Variants in ZNF480 observed in about 807,000 individuals in gnomAD.
ZNF480 encodes the protein zinc finger protein 480.
Under a neutral mutation model 14.4 loss-of-function variants are expected in ZNF480, and 15 were observed. The ratio of observed to expected loss-of-function variants is 1.04; its 90% CI spans 0.70 to 1.60. ZNF480 has a LOEUF of 1.60. Ranked by LOEUF, ZNF480 falls within the 40% of genes most tolerant of loss-of-function variation. The pLI is 0.00. For synonymous variants in ZNF480, 218 were observed against 215.5 expected, an observed-to-expected ratio of 1.01 and a Z score of -0.10; for missense variants, 593 against 629.7, an observed-to-expected ratio of 0.94 and a Z score of 0.62.
At chr19:52,303,636 ATCTAT>A (rs1233724481) in intron 2 of ZNF480, among the ~76,000 whole-genome samples, 1 of 152,132 alleles carries the variant, frequency 6.6e-6, no homozygotes, top group Non-Finnish European at 1.5e-5. Flanking sequence ...CCTTTTCTGG[ATCTAT>A]TCTATTTATT....
chr19:52,320,049 C>G (rs1983742030), intron 4 of ZNF480, among the ~76,000 whole-genome samples: 1 of 152,032 alleles, frequency 6.6e-6, no homozygotes, highest in Non-Finnish European at 1.5e-5. Flanking sequence ...AACTCCTGAC[C>G]TAGTGATCCT....
At chr19:52,302,489 T>C (rs1982742859) in intron 2 of ZNF480, among the ~76,000 whole-genome samples, 1 of 152,214 alleles carries the variant, frequency 6.6e-6, no homozygotes, top group Non-Finnish European at 1.5e-5. Context: ...TAGCTAGAGC[T>C]TGGCTAGTAC....
In ZNF480 at chr19:52,322,880, C is replaced by A; in HGVS notation, c.*22C>A. On this transcript the variant is annotated 3_prime_UTR_variant, in exon 5 of 5. Transcript: ENST00000595962. ...ATAGAAACTACAAATGCAACAAATG[C>A]GTCAAAGAATTTAGTGTGCACTCAA... 1 of 1,533,484 alleles carries A rather than the reference C, an allele frequency of 6.5e-7. No homozygotes were observed. Among genetic ancestry groups the A allele is most frequent in the Non-Finnish European group, 8.8e-7 (1 of 1,138,150 alleles). 95.0% of individuals were successfully genotyped at this position (1,533,484 alleles called of 1,614,324 possible).
rs549204424 is a variant in ZNF480 at position 52,321,873 on chromosome 19, A to G, written c.623A>G (p.His208Arg). 2 of 1,614,174 alleles carry G rather than the reference A, an allele frequency of 1.2e-6. No homozygotes were observed. Among genetic ancestry groups the G allele is most frequent in the African/African-American group, 1.3e-5 (1 of 75,076 alleles). Residue 208 changes from histidine (H) to arginine (R), a missense_variant, in exon 5 of 5, where the codon CAT (histidine) becomes CGT (arginine). Coordinates refer to ENST00000595962, the MANE Select transcript of ZNF480 (RefSeq NM_144684.4). Reference sequence around the variant, plus strand: ...GAAAAACCTTATGAATGTAATGAGCATAGCAAAGTCTTTAGAGTATCTTCC... The same window carrying G: ...GAAAAACCTTATGAATGTAATGAGCGTAGCAAAGTCTTTAGAGTATCTTCC... ...LREKPYECNE[H>R]SKVFRVSSSL... is the part of the protein sequence containing the mutation.
intron 2 of ZNF480, among the ~76,000 whole-genome samples, chr19:52,310,297 TC>T (rs1207179879): frequency 6.6e-6 from 1 of 152,138 alleles, no homozygotes; most frequent in Non-Finnish European, 1.5e-5. Flanking sequence ...CCTCAAGTGA[TC>T]CGCCTGCGTT....
At chr19:52,305,736 G>T (rs1010538042) in intron 2 of ZNF480, among the ~76,000 whole-genome samples, 4 of 152,126 alleles carry the variant, frequency 2.6e-5, no homozygotes, top group African/African-American at 7.2e-5. Context: ...ACCAGCTATG[G>T]CAGGGGACAG....
At chr19:52,304,503 T>G (rs1982836289) in intron 2 of ZNF480, among the ~76,000 whole-genome samples, 1 of 152,160 alleles carries the variant, frequency 6.6e-6, no homozygotes, top group African/African-American at 2.4e-5. Context: ...TTCTCTTTAC[T>G]TAGCGGCCAT....
chr19:52,298,050 G>C (rs1310687071), intron 1 of ZNF480: 3 of 152,266 alleles, frequency 2.0e-5, no homozygotes, highest in Non-Finnish European at 4.4e-5. Context: ...GAAATGCAGA[G>C]AAAAGTTCCA....
In ZNF480 at chr19:52,314,811, AAAACAAAC is replaced by A. The variant is rs201529210; in HGVS notation, c.199+544_199+551del. The stretch of plus-strand genomic sequence containing the variant: ...AAGAGTGAAACTCCGTCTCATTAAA[AAAACAAAC>A]AAACAAACAAAAAACTAAAAACCTT... On this transcript the variant is annotated intron_variant, in intron 3 of 4. Transcript: ENST00000595962. Among the ~76,000 whole-genome samples the A allele has an allele frequency of 1.6e-3, 238 of 152,074 alleles. 1 individual carries two copies. Among genetic ancestry groups the A allele is most frequent in the African/African-American group, 5.5e-3 (230 of 41,470 alleles).
chr19:52,316,050 T>G, intron 4 of ZNF480, 88 bp downstream of exon 4: 1 of 1,363,892 alleles, frequency 7.3e-7, no homozygotes, highest in Non-Finnish European at 9.7e-7. Context: ...TTTTTTATGT[T>G]TGTATTTTTG....
At chr19:52,297,446 CA>C (rs1982456551) in intron 1 of ZNF480, among the ~76,000 whole-genome samples, 1 of 151,834 alleles carries the variant, frequency 6.6e-6, no homozygotes, top group African/African-American at 2.4e-5. Context: ...GCCATGTAGT[CA>C]CCTCCTGTCG....
intron 2 of ZNF480, among the ~76,000 whole-genome samples, chr19:52,310,855 AT>A (rs949654479): frequency 6.6e-6 from 1 of 151,258 alleles, no homozygotes. Flanking sequence ...AAAAAAAAAA[AT>A]TAGCCGGGCA....
At chr19:52,310,447 A>G (rs540254816) in intron 2 of ZNF480, among the ~76,000 whole-genome samples, 1 of 152,088 alleles carries the variant, frequency 6.6e-6, no homozygotes, top group East Asian at 1.9e-4. Flanking sequence ...TTTTAAATCC[A>G]GCTTTTTCCT....
In ZNF480 at chr19:52,323,828, C is replaced by T. The variant is rs1449610556; in HGVS notation, c.*970C>T. ...TTCAATAAGAACCATCTATGCTGGA[C>T]TCACAGCCAAATTAATACTGAACAA... On this transcript the variant is annotated 3_prime_UTR_variant, in exon 5 of 5. Coordinates refer to ENST00000595962, the MANE Select transcript of ZNF480 (RefSeq NM_144684.4). The T allele has an allele frequency of 1.3e-5, 2 of 152,138 alleles. No individual in the cohort carries two copies. Among genetic ancestry groups the T allele is most frequent in the Non-Finnish European group, 2.9e-5 (2 of 68,028 alleles). The allele number at this position is 152,138 out of a possible 1,614,324, so 9.4% of individuals were successfully genotyped here. A position where few individuals can be genotyped will look rare whatever the true frequency, so the allele number is the denominator to read the frequency against.
rs958262124 is a variant in ZNF480, at chr19:52,305,932, C to CT, written c.72+5454dup. 5.9e-4 allele frequency among the ~76,000 whole-genome samples: 90 copies of CT among 152,268 alleles called. 1 individual carries two copies. Among genetic ancestry groups the CT allele is most frequent in the African/African-American group, 2.0e-3 (85 of 41,540 alleles). On this transcript the variant is annotated intron_variant, in intron 2 of 4. Transcript: ENST00000595962. ...GACATATTTCAGGGTCAGCAGATTT[C>CT]TTTTTTCCCCCAACTGGCAGCCTGA...
chr19:52,298,488 C>A (rs530047473), intron 1 of ZNF480, among the ~76,000 whole-genome samples: 1 of 152,158 alleles, frequency 6.6e-6, no homozygotes, highest in African/African-American at 2.4e-5. Flanking sequence ...CAAAAATTAG[C>A]CGGGCGTCAG....
chr19:52,315,534 T>A (rs1983510953), intron 3 of ZNF480, among the ~76,000 whole-genome samples: 1 of 151,874 alleles, frequency 6.6e-6, no homozygotes, highest in African/African-American at 2.4e-5. Flanking sequence ...TTGGTCAGGC[T>A]GATCTCGAAC....
chr19:52,315,328 T>G (rs929868776), intron 3 of ZNF480, among the ~76,000 whole-genome samples: 47 of 151,898 alleles, frequency 3.1e-4, no homozygotes, highest in Non-Finnish European at 2.1e-4. Context: ...GTTTTGTTTT[T>G]TTTTTTTGAG....
At chr19:52,312,197 T>C (rs1218549965) in intron 2 of ZNF480, among the ~76,000 whole-genome samples, 2 of 150,766 alleles carry the variant, frequency 1.3e-5, no homozygotes, top group Non-Finnish European at 2.9e-5. Context: ...CAGGCTGGAG[T>C]GCAGTGGCGC....
Sources: allele counts gnomAD v4.1 joint callset (sites outside exome capture counted in the v4.1 genomes callset), GRCh38; gene constraint gnomAD v4.1.1; transcripts MANE v1.5; gene names NCBI Gene and HGNC (gene_info 2026-07-23, HGNC 2026-07-21).